The following UGT1A7 variants were observed in gnomAD, a reference collection of about 807,000 sequenced individuals.
UGT1A7 encodes UDP glucuronosyltransferase family 1 member A7, also known as UDP-glucuronosyltransferase 1A7.
Under a neutral mutation model 45.6 loss-of-function variants are expected in UGT1A7, and 33 were observed. The ratio of observed to expected loss-of-function variants is 0.72; its 90% CI spans 0.55 to 0.97. The LOEUF is 0.97. UGT1A7 is among the 50% of genes least tolerant of loss of function. The probability of loss-of-function intolerance (pLI) is 0.00; values close to 1 mark genes in which losing one functional copy is unlikely to be tolerated. For synonymous variants in UGT1A7, 274 were observed against 250.6 expected (o/e 1.09, Z -0.88); for missense variants, 684 against 666.2 (o/e 1.03, Z -0.29).
rs919221213 is a variant in UGT1A7 at position 233,772,323 on chromosome 2, G to T, written c.1357G>T (p.Asp453Tyr). 1.9e-6 allele frequency: 3 copies of T among 1,614,164 alleles called. No individual in the cohort carries two copies. Among genetic ancestry groups the T allele is most frequent in the Non-Finnish European group, 2.5e-6 (3 of 1,180,042 alleles). Residue 453 changes from aspartate to tyrosine, a missense_variant, in exon 5 of 5, where the codon GAC (aspartate) becomes TAC (tyrosine). Asp to Tyr is a radical substitution (Grantham distance 160). Coordinates refer to ENST00000373426, the MANE Select transcript of UGT1A7 (RefSeq NM_019077.3). Reference protein sequence around the residue: ...LHKDRPVEPLDLAVFWVEFVM... With the variant: ...LHKDRPVEPLYLAVFWVEFVM... ...CAAGGACCGCCCGGTGGAGCCGCTG[G>T]ACCTGGCCGTGTTCTGGGTGGAGTT...
chr2:233,747,148 T>C (rs2125883163), intron 1 of UGT1A7: 2 of 1,570,870 alleles, frequency 1.3e-6, no homozygotes, highest in Non-Finnish European at 1.7e-6. Flanking sequence ...GTAATTAAGA[T>C]GAAGAAAACA....
At chr2:233,739,019 A>G (rs1003035720) in intron 1 of UGT1A7, 4 of 152,282 alleles carry the variant, frequency 2.6e-5, no homozygotes, top group African/African-American at 7.2e-5. Flanking sequence ...GGCTCCAGCC[A>G]TGGCTAAAAG....
chr2:233,713,198 C>T, intron 1 of UGT1A7: 4 of 1,614,218 alleles, frequency 2.5e-6, no homozygotes, highest in Non-Finnish European at 3.4e-6. Context: ...ATATGTACAT[C>T]AAAGAAGAGA....
At chr2:233,746,224 T>C (rs977968303) in intron 1 of UGT1A7, among the ~76,000 whole-genome samples, 14 of 151,784 alleles carry the variant, frequency 9.2e-5, no homozygotes, top group Non-Finnish European at 5.9e-5. Flanking sequence ...CAAGGACAGA[T>C]ATGCAAACTG....
rs939309903 is a variant in UGT1A7, at chr2:233,740,736, CCT to C, written c.856-26297_856-26296del. ...CATCTTTGCACCACAGGAAATGCCC[CCT>C]TTTACACTCTGAAAACCTTATCAAA... On this transcript the variant is annotated intron_variant, in intron 1 of 4. Coordinates refer to ENST00000373426, the MANE Select transcript of UGT1A7 (RefSeq NM_019077.3). 6.7e-4 allele frequency: 101 copies of C among 151,790 alleles called. 3 individuals are homozygous for C. The highest frequency in any genetic ancestry group is 2.3e-3 in the African/African-American group (96 of 41,118). 9.4% of individuals were successfully genotyped at this position (151,790 alleles called of 1,614,324 possible).
chr2:233,733,864 A>G (rs1575602891), intron 1 of UGT1A7, among the ~76,000 whole-genome samples: 1 of 151,900 alleles, frequency 6.6e-6, no homozygotes, highest in African/African-American at 2.4e-5. Context: ...TGATTGGAAT[A>G]GTTTCAGAAG....
At chr2:233,713,725 T>C in intron 1 of UGT1A7, 1 of 1,613,928 alleles carries the variant, frequency 6.2e-7, no homozygotes, top group Non-Finnish European at 8.5e-7. Context: ...GAGGTGTCAG[T>C]GGTGGATCTT....
rs1278012950 is a variant in UGT1A7, at chr2:233,718,882, G to C, written c.855+36090G>C. The stretch of plus-strand genomic sequence containing the variant: ...GCCACAGGACTGCTGCTCCTCCTCA[G>C]TGTCCAGCCCTGGGCTGAGAGTGGA... On this transcript the variant is annotated intron_variant, in intron 1 of 4. Coordinates refer to ENST00000373426, the MANE Select transcript of UGT1A7 (RefSeq NM_019077.3). 1 of 1,613,978 alleles carries C rather than the reference G, an allele frequency of 6.2e-7. No homozygotes were observed.
In UGT1A7 at chr2:233,693,797, A is replaced by G. The variant is rs1165673859; in HGVS notation, c.855+11005A>G. 3.7e-6 allele frequency: 6 copies of G among 1,614,084 alleles called. No homozygotes were observed. Among genetic ancestry groups the G allele is most frequent in the Non-Finnish European group, 5.1e-6 (6 of 1,180,034 alleles). On this transcript the variant is annotated intron_variant, in intron 1 of 4. Coordinates refer to ENST00000373426, the MANE Select transcript of UGT1A7 (RefSeq NM_019077.3). The stretch of plus-strand genomic sequence containing the variant: ...ATATGACTTTGTGCTTGAATATCCT[A>G]GGCCGGTCATGCCCAACATGGTCTT...
intron 1 of UGT1A7, chr2:233,729,178 C>A (rs763464670): frequency 7.3e-5 from 117 of 1,613,756 alleles, no homozygotes; most frequent in Non-Finnish European, 9.8e-5. Context: ...AGGACTGCTG[C>A]TTCTCCTCAG....
intron 1 of UGT1A7, among the ~76,000 whole-genome samples, chr2:233,685,285 C>G (rs4338954): frequency 0.39 from 59,193 of 151,952 alleles, 11,730 homozygotes; most frequent in South Asian, 0.45. Flanking sequence ...CGCCCGCCTC[C>G]GCCTTTCAAA....
chr2:233,729,312 C>G (rs747184472), intron 1 of UGT1A7: 38 of 1,614,236 alleles, frequency 2.4e-5, no homozygotes, highest in Admixed American at 5.0e-5. Flanking sequence ...TGGTCCTCAC[C>G]CCAGAGGTGA....
At chr2:233,765,145 T>A (rs1698762439) in intron 1 of UGT1A7, among the ~76,000 whole-genome samples, 1 of 152,138 alleles carries the variant, frequency 6.6e-6, no homozygotes, top group Admixed American at 6.5e-5. Context: ...ACATCACATG[T>A]CCTAGGGAAC....
chr2:233,707,771 T>A (rs1389608234), intron 1 of UGT1A7, among the ~76,000 whole-genome samples: 1 of 152,230 alleles, frequency 6.6e-6, no homozygotes, highest in African/African-American at 2.4e-5. Context: ...AGTGGGTTTT[T>A]AGAGTATATA....
At chr2:233,713,564 C>T in intron 1 of UGT1A7, 1 of 1,613,960 alleles carries the variant, frequency 6.2e-7, no homozygotes, top group South Asian at 1.1e-5. Flanking sequence ...CAAACCCTTC[C>T]TCCTATATTC....
chr2:233,689,773 A>T (rs1045799224), intron 1 of UGT1A7: 3 of 321,866 alleles, frequency 9.3e-6, no homozygotes, highest in Non-Finnish European at 1.8e-5. Flanking sequence ...CAACTCGGGG[A>T]CATATGTTAT....
At chr2:233,767,405 A>G (rs1699388437) in intron 2 of UGT1A7, among the ~76,000 whole-genome samples, 1 of 152,206 alleles carries the variant, frequency 6.6e-6, no homozygotes, top group Admixed American at 6.5e-5. Flanking sequence ...ATTTTCTCTA[A>G]GAGACTCAAA....
chr2:233,693,106 G>T, intron 1 of UGT1A7: 2 of 1,614,158 alleles, frequency 1.2e-6, no homozygotes, highest in Non-Finnish European at 8.5e-7. Flanking sequence ...TGGTCCCTCA[G>T]GACGGAAGCC....
intron 1 of UGT1A7, among the ~76,000 whole-genome samples, chr2:233,728,564 A>G (rs2077727018): frequency 6.6e-6 from 1 of 152,200 alleles, no homozygotes; most frequent in Non-Finnish European, 1.5e-5. Context: ...TACAAGAAAT[A>G]TCCTGGTGCG....
Sources: gnomAD v4.1 joint callset for allele counts (sites outside exome capture counted in the v4.1 genomes callset) on GRCh38, gnomAD v4.1.1 for gene constraint, MANE v1.5 for transcripts, NCBI Gene and HGNC (gene_info 2026-07-23, HGNC 2026-07-21) for gene names.